Variants in CEP112 observed in about 807,000 individuals in gnomAD.
CEP112 encodes centrosomal protein of 112 kDa.
In CEP112, 127 loss-of-function variants were observed where a neutral mutation model predicts 153.0. The ratio of observed to expected loss-of-function variants is 0.83; its 90% CI spans 0.72 to 0.96. The LOEUF is 0.96. Among genes scored for constraint, CEP112 ranks in the 40% least tolerant of loss-of-function variants. CEP112 has a pLI of 0.00. For missense variants in CEP112, 1,089 were observed against 1,101.2 expected (o/e 0.99, Z 0.16); for synonymous variants, 358 against 374.4 (o/e 0.96, Z 0.51).
At chr17:65,670,899 G>T (rs896387521) in intron 24 of CEP112, among the ~76,000 whole-genome samples, 2 of 151,288 alleles carry the variant, frequency 1.3e-5, no homozygotes, top group Non-Finnish European at 2.9e-5. Context: ...TAGTGGGCGG[G>T]GGGGGCGGGG....
chr17:66,044,956 C>T (rs1185242982), intron 12 of CEP112, among the ~76,000 whole-genome samples: 1 of 151,514 alleles, frequency 6.6e-6, no homozygotes, highest in African/African-American at 2.4e-5. Context: ...AAAAGAATAA[C>T]TCAATTTAAA....
chr17:65,732,231 A>C (rs2050549785), intron 23 of CEP112, among the ~76,000 whole-genome samples: 1 of 152,204 alleles, frequency 6.6e-6, no homozygotes, highest in Admixed American at 6.5e-5. Flanking sequence ...GTACATCTCC[A>C]TCAGAGCTCT....
chr17:66,026,838 G>A (rs988303329), intron 16 of CEP112, among the ~76,000 whole-genome samples: 1 of 152,122 alleles, frequency 6.6e-6, no homozygotes, highest in African/African-American at 2.4e-5. Flanking sequence ...GCAAATCCAA[G>A]TTATAGTTTT....
chr17:65,762,759 T>C (rs2052685461), intron 21 of CEP112, among the ~76,000 whole-genome samples: 3 of 152,064 alleles, frequency 2.0e-5, no homozygotes, highest in Admixed American at 6.6e-5. Context: ...CTGTCATTCA[T>C]TTCACATATA....
intron 6 of CEP112, among the ~76,000 whole-genome samples, chr17:66,125,719 G>T (rs1224361825): frequency 6.8e-6 from 1 of 147,552 alleles, no homozygotes; most frequent in Non-Finnish European, 1.5e-5. Flanking sequence ...TTACAATAAA[G>T]ACCCATGAAG....
In CEP112 at chr17:65,718,132, G is replaced by A. The variant is rs937639965; in HGVS notation, c.2607+24936C>T. The stretch of plus-strand genomic sequence containing the variant: ...AAATATTTACTATTTTTGGCTGGGC[G>A]CGGTGGCTCACGCCTGTAATCCCAG... On this transcript the variant is annotated intron_variant, in intron 23 of 26. Coordinates refer to ENST00000535342, the MANE Select transcript of CEP112 (RefSeq NM_001199165.4). Among the ~76,000 whole-genome samples the A allele has an allele frequency of 4.3e-4, 65 of 152,152 alleles. 2 individuals are homozygous for A. Among genetic ancestry groups the A allele is most frequent in the Admixed American group, 7.2e-4 (11 of 15,286 alleles).
chr17:65,811,118 A>G (rs1024216493), intron 21 of CEP112, among the ~76,000 whole-genome samples: 1 of 152,220 alleles, frequency 6.6e-6, no homozygotes, highest in African/African-American at 2.4e-5. Flanking sequence ...AAGGGAAGAT[A>G]GTTAACATAA....
intron 21 of CEP112, among the ~76,000 whole-genome samples, chr17:65,847,040 T>C (rs951752528): frequency 1.3e-4 from 20 of 152,230 alleles, no homozygotes; most frequent in African/African-American, 4.3e-4. Flanking sequence ...GCACAGCATT[T>C]AGATATCATC....
At chr17:65,654,509 G>C (rs2045958897) in intron 24 of CEP112, among the ~76,000 whole-genome samples, 1 of 152,214 alleles carries the variant, frequency 6.6e-6, no homozygotes, top group Non-Finnish European at 1.5e-5. Context: ...AGGCAAGCGG[G>C]TGGCTGGTGC....
At chr17:66,032,007 T>A (rs930808872) in intron 12 of CEP112, among the ~76,000 whole-genome samples, 1 of 152,114 alleles carries the variant, frequency 6.6e-6, no homozygotes, top group African/African-American at 2.4e-5. Flanking sequence ...CTCAAGAGAA[T>A]TTGTCAAATT....
intron 21 of CEP112, among the ~76,000 whole-genome samples, chr17:65,849,182 G>C (rs137856118): frequency 8.5e-5 from 13 of 152,168 alleles, no homozygotes; most frequent in Admixed American, 2.6e-4. Flanking sequence ...GTTTGCTCTT[G>C]CTTTCCTTAT....
intron 17 of CEP112, among the ~76,000 whole-genome samples, chr17:65,970,435 CATCA>C (rs1568314230): frequency 2.2e-5 from 2 of 89,004 alleles, no homozygotes; most frequent in African/African-American, 8.3e-5. Context: ...TGCATGCACA[CATCA>C]TGCATGTATA....
chr17:65,856,866 C>G (rs1437700566), intron 20 of CEP112, among the ~76,000 whole-genome samples: 1 of 152,138 alleles, frequency 6.6e-6, no homozygotes, highest in Admixed American at 6.5e-5. Flanking sequence ...TATATTTTCA[C>G]ACACCCAATT....
intron 24 of CEP112, among the ~76,000 whole-genome samples, chr17:65,659,813 C>T (rs2046254081): frequency 6.6e-6 from 1 of 152,048 alleles, no homozygotes; most frequent in Non-Finnish European, 1.5e-5. Flanking sequence ...ATATAATAGG[C>T]CAGGAAGGGA....
rs1407468134 is a variant in CEP112 at position 65,902,177 on chromosome 17, T to C, written c.2138A>G (p.Gln713Arg). The C allele has an allele frequency of 3.1e-6, 5 of 1,613,582 alleles. No individual in the cohort carries two copies. The Admixed American group carries it at 8.3e-5, about 27-fold the overall frequency. Residue 713 changes from glutamine (Q) to arginine (R), a missense_variant, in exon 20 of 27, where the codon CAG becomes CGG. Physicochemically the swap from Gln to Arg is conservative, Grantham distance 43 (BLOSUM62 1). Transcript: ENST00000535342. ...AANMEHENQIQEFKKRDAQVI... is the reference protein window; with the variant it reads ...AANMEHENQIREFKKRDAQVI... ...CTGTGCATCTCGTTTCTTGAACTCCTGAATTTGATTTTCGTGCTCCATATT... is the reference window on the plus strand; with the variant it reads ...CTGTGCATCTCGTTTCTTGAACTCCCGAATTTGATTTTCGTGCTCCATATT...
chr17:65,646,139 G>A (rs1011513992), intron 24 of CEP112, among the ~76,000 whole-genome samples: 26 of 152,336 alleles, frequency 1.7e-4, no homozygotes, highest in African/African-American at 6.0e-4. Flanking sequence ...GCCATAGAGA[G>A]TAGAAGATTG....
chr17:65,723,214 T>A (rs551453634), intron 23 of CEP112, among the ~76,000 whole-genome samples: 2 of 152,322 alleles, frequency 1.3e-5, no homozygotes, highest in African/African-American at 4.8e-5. Flanking sequence ...AGATGCTATT[T>A]ATTAACCATG....
intron 25 of CEP112, among the ~76,000 whole-genome samples, chr17:65,639,888 G>C (rs2045013892): frequency 7.4e-6 from 1 of 135,060 alleles, no homozygotes; most frequent in Non-Finnish European, 1.5e-5. Context: ...CCAGGCTGGA[G>C]TGCACTGGGC....
At chr17:65,795,225 T>C (rs1311221292) in intron 21 of CEP112, among the ~76,000 whole-genome samples, 1 of 152,162 alleles carries the variant, frequency 6.6e-6, no homozygotes, top group African/African-American at 2.4e-5. Context: ...CAGCTCATGA[T>C]CACACTACTA....
Sources: gnomAD v4.1 joint callset for allele counts (sites outside exome capture counted in the v4.1 genomes callset) on GRCh38, gnomAD v4.1.1 for gene constraint, MANE v1.5 for transcripts, NCBI Gene and HGNC (gene_info 2026-07-23, HGNC 2026-07-21) for gene names.